Variants in ARHGAP21 observed in about 807,000 individuals in gnomAD.
ARHGAP21 encodes the protein rho GTPase-activating protein 21.
A neutral mutation model predicts 164.6 loss-of-function variants in ARHGAP21; 38 were observed. The ratio of observed to expected loss-of-function variants is 0.23; its 90% CI spans 0.18 to 0.30. ARHGAP21 has a LOEUF of 0.30. Ranked by LOEUF, ARHGAP21 falls within the 10% of genes least tolerant of loss-of-function variation. ARHGAP21 has a pLI of 1.00. For missense variants in ARHGAP21, 1,822 were observed against 2,370.7 expected, an observed-to-expected ratio of 0.77 and a Z score of 4.81; for synonymous variants, 766 against 857.9, an observed-to-expected ratio of 0.89 and a Z score of 1.87.
At chr10:24,701,846 T>C (rs541339229) in intron 2 of ARHGAP21, among the ~76,000 whole-genome samples, 108 of 152,306 alleles carry the variant, frequency 7.1e-4, no homozygotes, top group African/African-American at 2.5e-3. Context: ...TGTATACAAG[T>C]ATCTACAGAA....
rs181008009 is a variant in ARHGAP21, at chr10:24,592,922, A to C, written c.3877-910T>G. The stretch of plus-strand genomic sequence containing the variant: ...TTTTTACTTGAAACCAATCTTCTGA[A>C]GCTACATTAATTTCCATATTTGGTA... On this transcript the variant is annotated intron_variant, in intron 21 of 25. Coordinates refer to ENST00000396432, the MANE Select transcript of ARHGAP21 (RefSeq NM_020824.4). 2.7e-4 allele frequency among the ~76,000 whole-genome samples: 41 copies of C among 152,290 alleles called. No homozygotes were observed. The East Asian group carries it at 7.1e-3, about 27-fold the overall frequency.
intron 7 of ARHGAP21, among the ~76,000 whole-genome samples, chr10:24,623,629 A>G (rs1268990023): frequency 6.6e-6 from 1 of 152,200 alleles, no homozygotes; most frequent in Non-Finnish European, 1.5e-5. Flanking sequence ...ATGAGAGAAT[A>G]CTGTACTGTC....
chr10:24,677,468 T>C (rs938255239), intron 2 of ARHGAP21, among the ~76,000 whole-genome samples: 1 of 152,172 alleles, frequency 6.6e-6, no homozygotes, highest in Non-Finnish European at 1.5e-5. Flanking sequence ...GCTAACTTTT[T>C]CCTCCCTATT....
At position 24,703,517 on chromosome 10, in the gene ARHGAP21, G is replaced by A. The variant is rs541025253; in HGVS notation, c.63+18320C>T. Among the ~76,000 whole-genome samples, 12 of 152,236 alleles carry A rather than the reference G, an allele frequency of 7.9e-5. No individual in the cohort carries two copies. In the South Asian group the frequency reaches 2.3e-3, roughly 29 times the overall value. On this transcript the variant is annotated intron_variant, in intron 2 of 25. Coordinates refer to ENST00000396432, the MANE Select transcript of ARHGAP21 (RefSeq NM_020824.4). Reference sequence around the variant, plus strand: ...TGCCACAGAGCCAGGAACAACTCCAGGCCTTGAATTCAGTTCTTGGGCACT... The same window carrying A: ...TGCCACAGAGCCAGGAACAACTCCAAGCCTTGAATTCAGTTCTTGGGCACT...
In ARHGAP21 at chr10:24,585,834, C is replaced by G. The variant is rs752154046; in HGVS notation, c.4455G>C (p.Thr1485=). 7 of 1,613,902 alleles carry G rather than the reference C, an allele frequency of 4.3e-6. No individual in the cohort carries two copies. The highest frequency in any genetic ancestry group is 5.9e-6 in the Non-Finnish European group (7 of 1,179,882). Residue 1485 remains threonine, a synonymous_variant, in exon 26 of 26, where the codon ACG becomes ACC. Transcript: ENST00000396432. ...CTAGTGATATCTTTTCATCTTTTGT[C>G]GTGCTGGGGTCTTTCCTAGTGCTGT... The part of the protein sequence containing the change: ...KENSTRKDPS[T]TKDEKISLGK...
chr10:24,679,076 C>T (rs909147092), intron 2 of ARHGAP21, among the ~76,000 whole-genome samples: 3 of 152,150 alleles, frequency 2.0e-5, no homozygotes, highest in South Asian at 4.1e-4. Context: ...TGAACATTCA[C>T]GTACAGGTTT....
rs143518253 is a variant in ARHGAP21 at position 24,595,102 on chromosome 10, T to C, written c.3786+15A>G. ...AATTTTAGTTGTATCCCCCAAAATA[T>C]AAAATAATACCTACTAGTCTTTTTA... On this transcript the variant is annotated intron_variant, in intron 20 of 25. Transcript: ENST00000396432. The C allele has an allele frequency of 1.1e-3, 1,750 of 1,608,340 alleles. 30 individuals carry two copies. In the East Asian group the frequency reaches 0.029, roughly 27 times the overall value.
intron 4 of ARHGAP21, among the ~76,000 whole-genome samples, chr10:24,655,527 T>A (rs1330712849): frequency 6.6e-6 from 1 of 152,194 alleles, no homozygotes; most frequent in African/African-American, 2.4e-5. Context: ...AAAATGCTCA[T>A]CATCGCGGCT....
intron 2 of ARHGAP21, among the ~76,000 whole-genome samples, chr10:24,673,192 A>T (rs1329450008): frequency 6.6e-6 from 1 of 152,212 alleles, no homozygotes; most frequent in African/African-American, 2.4e-5. Flanking sequence ...CTGCTATGAT[A>T]TTTCTAAAAT....
chr10:24,603,646 G>GCT, intron 12 of ARHGAP21, among the ~76,000 whole-genome samples: 1 of 152,244 alleles, frequency 6.6e-6, no homozygotes, highest in African/African-American at 2.4e-5. Flanking sequence ...ATAGGATAAT[G>GCT]GTACAAGCAC....
Position 24,595,183 on chromosome 10 carries a change from A to G in ARHGAP21, c.3720T>C (p.Tyr1240=). 6.2e-7 allele frequency: 1 copy of G among 1,610,158 alleles called. No individual in the cohort carries two copies. Among genetic ancestry groups the G allele is most frequent in the Non-Finnish European group, 8.5e-7 (1 of 1,178,456 alleles). ...LPEPLFTNDK[Y]ADFIEANRKE... ...TACGATTGGCTTCAATAAAATCAGCATATTTATCTGACGACAAGAACAATA... is the reference window on the plus strand; with the variant it reads ...TACGATTGGCTTCAATAAAATCAGCGTATTTATCTGACGACAAGAACAATA... The change falls in exon 20 of 26, where the codon TAT becomes TAC. Residue 1240 remains tyrosine (Y), a synonymous_variant. Transcript: ENST00000396432.
At chr10:24,653,201 A>T (rs1375740037) in intron 4 of ARHGAP21, among the ~76,000 whole-genome samples, 1 of 152,220 alleles carries the variant, frequency 6.6e-6, no homozygotes, top group East Asian at 1.9e-4. Flanking sequence ...TATGCTAACA[A>T]GTTCCCTGGT....
intron 9 of ARHGAP21, among the ~76,000 whole-genome samples, chr10:24,611,896 T>G (rs1464818283): frequency 6.6e-6 from 1 of 152,080 alleles, no homozygotes; most frequent in Non-Finnish European, 1.5e-5. Context: ...AAGAGAATTA[T>G]GATGAACATA....
intron 2 of ARHGAP21, among the ~76,000 whole-genome samples, chr10:24,679,229 A>C (rs1841546200): frequency 6.6e-6 from 1 of 152,172 alleles, no homozygotes; most frequent in Admixed American, 6.6e-5. Context: ...TTTATTTCTC[A>C]TGGTTCTAGA....
chr10:24,692,477 G>A (rs1026393122), intron 2 of ARHGAP21, among the ~76,000 whole-genome samples: 4 of 152,126 alleles, frequency 2.6e-5, no homozygotes, highest in African/African-American at 9.7e-5. Flanking sequence ...TTATAAACCA[G>A]CTCTATATTT....
At chr10:24,714,187 G>C (rs965812634) in intron 2 of ARHGAP21, 3 of 152,212 alleles carry the variant, frequency 2.0e-5, no homozygotes, top group Non-Finnish European at 4.4e-5. Flanking sequence ...AACAGCATCT[G>C]TGCATCTTAT....
intron 9 of ARHGAP21, among the ~76,000 whole-genome samples, chr10:24,617,927 A>G (rs1834141337): frequency 1.3e-5 from 2 of 152,108 alleles, no homozygotes; most frequent in African/African-American, 4.8e-5. Context: ...GAAGGAAAAA[A>G]GCCCCTGCAT....
intron 14 of ARHGAP21, 63 bp downstream of exon 14, chr10:24,600,583 A>C: frequency 9.7e-6 from 15 of 1,540,074 alleles, no homozygotes; most frequent in African/African-American, 2.7e-5. Flanking sequence ...CATATTCCTT[A>C]GATCTTTGTA....
intron 21 of ARHGAP21, among the ~76,000 whole-genome samples, chr10:24,593,590 T>TGAAAGATATTCCACAAAATAC (rs1554962236): frequency 3.3e-5 from 5 of 151,260 alleles, no homozygotes; most frequent in Admixed American, 2.6e-4. Context: ...GTATTTTTCT[T>TGAAAGATATTCCACAAAATAC]GAAAGATATT....
Sources: gnomAD v4.1 joint callset for allele counts (sites outside exome capture counted in the v4.1 genomes callset) on GRCh38, gnomAD v4.1.1 for gene constraint, MANE v1.5 for transcripts, NCBI Gene and HGNC (gene_info 2026-07-23, HGNC 2026-07-21) for gene names.